Variants in RELN observed in about 807,000 individuals in gnomAD.
RELN encodes reelin.
Under a neutral mutation model 427.6 loss-of-function variants are expected in RELN, and 108 were observed. The observed-to-expected ratio is 0.25, with a 90% CI of 0.22 to 0.30. The LOEUF (loss-of-function observed/expected upper bound fraction) is 0.30. RELN is among the 10% of genes least tolerant of loss of function. The pLI, the probability that RELN is intolerant of heterozygous loss-of-function variation, is 1.00. For synonymous variants in RELN, 1,524 were observed against 1,513.4 expected, an observed-to-expected ratio of 1.01 and a Z score of -0.16; for missense variants, 3,715 against 4,302.8, an observed-to-expected ratio of 0.86 and a Z score of 3.82.
At chr7:103,654,793 T>C (rs572135862) in intron 12 of RELN, among the ~76,000 whole-genome samples, 25 of 152,076 alleles carry the variant, frequency 1.6e-4, no homozygotes, top group African/African-American at 5.3e-4. Context: ...CTCTACTTTA[T>C]AGTCATGGAA....
chr7:103,977,058 C>G (rs1274037856), intron 1 of RELN, among the ~76,000 whole-genome samples: 1 of 151,782 alleles, frequency 6.6e-6, no homozygotes, highest in Non-Finnish European at 1.5e-5. Flanking sequence ...CGCCTGTAAT[C>G]CCAGCACTTT....
chr7:103,656,754 C>A (rs555267328), intron 12 of RELN, among the ~76,000 whole-genome samples: 1 of 152,066 alleles, frequency 6.6e-6, no homozygotes, highest in African/African-American at 2.4e-5. Flanking sequence ...GAGCCAGACT[C>A]CTTCAGTATT....
intron 23 of RELN, 69 bp downstream of exon 23, chr7:103,604,277 C>A (rs1406605187): frequency 1.9e-6 from 3 of 1,584,352 alleles, no homozygotes; most frequent in Non-Finnish European, 2.6e-6. Context: ...CTGATGACAA[C>A]TGCTGTGGTA....
chr7:103,749,649 C>G, intron 5 of RELN, 145 bp from the exon 6 acceptor site: 1 of 680,034 alleles, frequency 1.5e-6, no homozygotes. Flanking sequence ...TTTGCTTTGT[C>G]CCTCAAACTA....
chr7:103,559,293 A>G (rs1020298702), intron 36 of RELN, among the ~76,000 whole-genome samples: 1 of 152,196 alleles, frequency 6.6e-6, no homozygotes, highest in Non-Finnish European at 1.5e-5. Flanking sequence ...TGGGGAGAAA[A>G]ATATCCAGAT....
intron 29 of RELN, among the ~76,000 whole-genome samples, chr7:103,574,731 A>G (rs1415547075): frequency 3.3e-5 from 5 of 152,156 alleles, no homozygotes; most frequent in Non-Finnish European, 7.3e-5. Flanking sequence ...CTGCAACAAC[A>G]TATGTTTGTC....
chr7:103,800,530 T>C (rs1792436000), intron 3 of RELN, among the ~76,000 whole-genome samples: 1 of 152,194 alleles, frequency 6.6e-6, no homozygotes, highest in East Asian at 1.9e-4. Flanking sequence ...TAGTCATATA[T>C]AGAAAGCTGA....
At chr7:103,912,062 T>A (rs1795380120) in intron 2 of RELN, among the ~76,000 whole-genome samples, 1 of 152,226 alleles carries the variant, frequency 6.6e-6, no homozygotes, top group Non-Finnish European at 1.5e-5. Context: ...ACTAGTTTTA[T>A]GTTAATTGCT....
intron 6 of RELN, among the ~76,000 whole-genome samples, chr7:103,732,917 T>C (rs1234269215): frequency 6.6e-6 from 1 of 152,122 alleles, no homozygotes; most frequent in Non-Finnish European, 1.5e-5. Context: ...CTCTTTAGTT[T>C]AATTAGATCC....
At chr7:103,601,804 C>G (rs1831675456) in intron 24 of RELN, among the ~76,000 whole-genome samples, 1 of 152,194 alleles carries the variant, frequency 6.6e-6, no homozygotes, top group African/African-American at 2.4e-5. Flanking sequence ...CCAAGCGACA[C>G]AGGTTGAGGT....
intron 3 of RELN, among the ~76,000 whole-genome samples, chr7:103,817,717 C>T (rs187921374): frequency 1.3e-4 from 20 of 151,928 alleles, no homozygotes; most frequent in African/African-American, 3.9e-4. Flanking sequence ...GAGGCTGAGG[C>T]GGGCAGATCA....
chr7:103,498,584 C>T (rs2711886), intron 53 of RELN, among the ~76,000 whole-genome samples: 6,745 of 152,084 alleles, frequency 0.044, 262 homozygotes, highest in African/African-American at 0.11. Flanking sequence ...CTCTGCCTCC[C>T]GGGTTCAAGC....
In RELN at chr7:103,486,428, G is replaced by C; in HGVS notation, c.9764-12C>G. On this transcript the variant is annotated splice_polypyrimidine_tract_variant and intron_variant, in intron 60 of 64. Coordinates refer to ENST00000428762, the MANE Select transcript of RELN (RefSeq NM_005045.4). ...AGAGCAGTCATCACCTAGAGGACAAGGAGCAGTCACAGAAATTAAGTGGAC... is the reference window on the plus strand; with the variant it reads ...AGAGCAGTCATCACCTAGAGGACAACGAGCAGTCACAGAAATTAAGTGGAC... The C allele has an allele frequency of 2.5e-6, 4 of 1,604,866 alleles. No individual in the cohort carries two copies. The highest frequency in any genetic ancestry group is 3.4e-6 in the Non-Finnish European group (4 of 1,171,738).
chr7:103,545,091 C>G (rs759206816), intron 42 of RELN, 33 bp downstream of exon 42: 4 of 1,557,670 alleles, frequency 2.6e-6, no homozygotes, highest in Non-Finnish European at 2.7e-6. Flanking sequence ...AGTTCTTTCA[C>G]AAGACTACAT....
At chr7:103,946,271 A>C (rs144410869) in intron 1 of RELN, among the ~76,000 whole-genome samples, 1,575 of 152,338 alleles carry the variant, frequency 0.01, 23 homozygotes, top group Non-Finnish European at 0.016. Flanking sequence ...TTACTCACTT[A>C]TTAAAACTAT....
intron 20 of RELN, among the ~76,000 whole-genome samples, chr7:103,622,297 G>T (rs1268723336): frequency 6.6e-6 from 1 of 152,112 alleles, no homozygotes; most frequent in Non-Finnish European, 1.5e-5. Flanking sequence ...CCCTTAGGCA[G>T]GTCCTGATCA....
intron 2 of RELN, among the ~76,000 whole-genome samples, chr7:103,862,002 A>G (rs1794081720): frequency 6.6e-6 from 1 of 152,174 alleles, no homozygotes; most frequent in Admixed American, 6.5e-5. Context: ...GTATGCAAAA[A>G]TAAGGTGAAG....
chr7:103,947,488 CAT>C (rs1796244354), intron 1 of RELN, among the ~76,000 whole-genome samples: 2 of 152,090 alleles, frequency 1.3e-5, no homozygotes, highest in Non-Finnish European at 2.9e-5. Flanking sequence ...TATGAAGAAA[CAT>C]ATGGAAAAGA....
chr7:103,648,754 T>G (rs113526386), intron 16 of RELN, among the ~76,000 whole-genome samples: 2 of 151,850 alleles, frequency 1.3e-5, no homozygotes, highest in African/African-American at 2.4e-5. Context: ...AAAAAACGTA[T>G]AGTTCCATTA....
Sources: allele counts gnomAD v4.1 joint callset (sites outside exome capture counted in the v4.1 genomes callset), GRCh38; gene constraint gnomAD v4.1.1; transcripts MANE v1.5; gene names NCBI Gene and HGNC (gene_info 2026-07-23, HGNC 2026-07-21).